Variants in CACNA1D observed in about 807,000 individuals in gnomAD.
CACNA1D encodes the protein calcium voltage-gated channel subunit alpha1 D, also known as voltage-dependent L-type calcium channel subunit alpha-1D.
A neutral mutation model predicts 257.1 loss-of-function variants in CACNA1D; 55 were observed. That is an observed-to-expected ratio of 0.21 (90% CI 0.17 to 0.27). The LOEUF is 0.27. Among genes scored for constraint, CACNA1D ranks in the 10% least tolerant of loss-of-function variants. The probability of loss-of-function intolerance (pLI) is 1.00; values close to 1 mark genes in which losing one functional copy is unlikely to be tolerated. For missense variants in CACNA1D, 1,876 were observed against 2,784.0 expected (o/e 0.67, Z 7.34); for synonymous variants, 980 against 1,014.9 (o/e 0.97, Z 0.65).
rs41276447 is a variant in CACNA1D at position 53,732,855 on chromosome 3, G to A, written c.2514G>A (p.Glu838=). The change falls in exon 19 of 48, where the codon GAG becomes GAA. Residue 838 remains glutamate (E), a synonymous_variant. Coordinates refer to ENST00000350061, the MANE Select transcript of CACNA1D (RefSeq NM_001128840.3). ...AGGAAGAGGAGGAGGATGAACCTGAGGTTCCTGCCGGACCCCGTCCTCGAA... is the reference window on the plus strand; with the variant it reads ...AGGAAGAGGAGGAGGATGAACCTGAAGTTCCTGCCGGACCCCGTCCTCGAA... ...EEEEEEEDEP[E]VPAGPRPRRI... 4 of 1,613,924 alleles carry A rather than the reference G, an allele frequency of 2.5e-6. No homozygotes were observed. Among genetic ancestry groups the A allele is most frequent in the Non-Finnish European group, 3.4e-6 (4 of 1,179,840 alleles).
intron 8 of CACNA1D, among the ~76,000 whole-genome samples, chr3:53,682,957 G>A (rs898408): frequency 0.7 from 106,804 of 152,092 alleles, 38,711 homozygotes; most frequent in East Asian, 0.9. Context: ...AAACTCCGCA[G>A]TTGTCCTGGC....
intron 40 of CACNA1D, among the ~76,000 whole-genome samples, chr3:53,794,189 G>C (rs1199401923): frequency 6.6e-6 from 1 of 152,212 alleles, no homozygotes; most frequent in Non-Finnish European, 1.5e-5. Context: ...ATGTGACGTA[G>C]TAGTAAAAGG....
rs116224995 is a variant in CACNA1D at position 53,528,193 on chromosome 3, C to A, written c.483+26473C>A. On this transcript the variant is annotated intron_variant, in intron 3 of 47. Transcript: ENST00000350061. ...TCTGTGGTCCATTTCAAATTAATTTCTTTTCTATGGTATGAGGTTGGGGTT... is the reference window on the plus strand; with the variant it reads ...TCTGTGGTCCATTTCAAATTAATTTATTTTCTATGGTATGAGGTTGGGGTT... 6.0e-3 allele frequency among the ~76,000 whole-genome samples: 912 copies of A among 152,256 alleles called. 6 individuals carry two copies. Among genetic ancestry groups the A allele is most frequent in the Non-Finnish European group, 0.01 (689 of 68,006 alleles).
At chr3:53,621,140 A>T (rs1364962677) in intron 3 of CACNA1D, among the ~76,000 whole-genome samples, 2 of 152,170 alleles carry the variant, frequency 1.3e-5, no homozygotes, top group Non-Finnish European at 2.9e-5. Context: ...AATGCAAGTG[A>T]GGGAAAAGAA....
At chr3:53,566,270 C>CT (rs2092834272) in intron 3 of CACNA1D, among the ~76,000 whole-genome samples, 1 of 152,162 alleles carries the variant, frequency 6.6e-6, no homozygotes, top group African/African-American at 2.4e-5. Context: ...TGACATCCCC[C>CT]TTCTCTCTGC....
intron 8 of CACNA1D, among the ~76,000 whole-genome samples, chr3:53,676,824 G>A (rs2094381565): frequency 6.6e-6 from 1 of 152,174 alleles, no homozygotes; most frequent in African/African-American, 2.4e-5. Flanking sequence ...TAAGTATGAA[G>A]TTTATGAACT....
intron 3 of CACNA1D, among the ~76,000 whole-genome samples, chr3:53,622,838 A>C (rs577256370): frequency 6.6e-6 from 1 of 152,330 alleles, no homozygotes; most frequent in East Asian, 1.9e-4. Flanking sequence ...CTCAGCAAGA[A>C]AAAGGCATGA....
At chr3:53,746,013 GTGTT>G in intron 25 of CACNA1D, 138 bp downstream of exon 25, 1 of 723,922 alleles carries the variant, frequency 1.4e-6, no homozygotes, top group Admixed American at 2.0e-5. Flanking sequence ...TAGATAGATG[GTGTT>G]TGTTTTTCAT....
At chr3:53,536,594 C>T (rs551486181) in intron 3 of CACNA1D, among the ~76,000 whole-genome samples, 22 of 152,378 alleles carry the variant, frequency 1.4e-4, no homozygotes, top group African/African-American at 3.8e-4. Flanking sequence ...CGGGCCAACA[C>T]GGCCTTATGC....
rs188850257 is a variant in CACNA1D at position 53,526,636 on chromosome 3, G to A, written c.483+24916G>A. ...AATGGCACGCCCTCCAATTGGCTAC[G>A]TTACACAGATAAACATTCTTAATCT... is the stretch of plus-strand genomic sequence containing the variant. On this transcript the variant is annotated intron_variant, in intron 3 of 47. Coordinates refer to ENST00000350061, the MANE Select transcript of CACNA1D (RefSeq NM_001128840.3). Among the ~76,000 whole-genome samples, 36 of 152,274 alleles carry A rather than the reference G, an allele frequency of 2.4e-4. No individual in the cohort carries two copies. In the East Asian group the frequency reaches 4.8e-3, roughly 20 times the overall value.
Position 53,660,179 on chromosome 3 carries a change from G to A in CACNA1D, c.670G>A (p.Gly224Arg), listed in dbSNP as rs1208257269. The change falls in exon 5 of 48, where the codon GGG becomes AGG. Residue 224 changes from glycine to arginine, a missense_variant. By Grantham distance (125) the Gly-to-Arg change is moderately radical. Transcript: ENST00000350061. ...ACAATTAACCAAAGAAACAGAAGGC[G>A]GGAACCACTCAAGCGGCAAATCTGG... Reference protein sequence around the residue: ...LEQLTKETEGGNHSSGKSGGF... With the variant: ...LEQLTKETEGRNHSSGKSGGF... 42 of 1,613,802 alleles carry A rather than the reference G, an allele frequency of 2.6e-5. No individual in the cohort carries two copies. Among genetic ancestry groups the A allele is most frequent in the Middle Eastern group, 1.6e-4 (1 of 6,082 alleles).
intron 3 of CACNA1D, among the ~76,000 whole-genome samples, chr3:53,606,352 A>G (rs2093510413): frequency 6.6e-6 from 1 of 152,260 alleles, no homozygotes; most frequent in Non-Finnish European, 1.5e-5. Flanking sequence ...GATTAATGTG[A>G]GCAGCTTCTC....
intron 3 of CACNA1D, among the ~76,000 whole-genome samples, chr3:53,614,097 G>T (rs1296382718): frequency 7.3e-6 from 1 of 136,474 alleles, no homozygotes; most frequent in Non-Finnish European, 1.5e-5. Flanking sequence ...TTCAAGACCA[G>T]CCTAGGCAAC....
chr3:53,634,298 T>G (rs1402931841), intron 3 of CACNA1D, among the ~76,000 whole-genome samples: 1 of 152,200 alleles, frequency 6.6e-6, no homozygotes. Context: ...CTAACATGAA[T>G]CATTATTAAA....
intron 45 of CACNA1D, among the ~76,000 whole-genome samples, chr3:53,806,342 A>C (rs1473170679): frequency 2.0e-5 from 3 of 150,934 alleles, no homozygotes; most frequent in Non-Finnish European, 3.0e-5. Flanking sequence ...GGTCCCCTTC[A>C]CTCTGGGGCC....
intron 3 of CACNA1D, among the ~76,000 whole-genome samples, chr3:53,605,251 G>A (rs1300514265): frequency 6.6e-6 from 1 of 152,170 alleles, no homozygotes; most frequent in African/African-American, 2.4e-5. Flanking sequence ...ACCGTGGAGG[G>A]CTCCTTTGTG....
At chr3:53,706,885 C>T (rs1167825199) in intron 9 of CACNA1D, among the ~76,000 whole-genome samples, 1 of 152,102 alleles carries the variant, frequency 6.6e-6, no homozygotes, top group East Asian at 1.9e-4. Flanking sequence ...ATTTGACTTT[C>T]CTAAACATAA....
At chr3:53,760,278 GA>G (rs2095293274) in intron 29 of CACNA1D, among the ~76,000 whole-genome samples, 1 of 152,164 alleles carries the variant, frequency 6.6e-6, no homozygotes, top group Non-Finnish European at 1.5e-5. Flanking sequence ...CAGCTGTTAG[GA>G]CAGTCAGTAC....
intron 3 of CACNA1D, among the ~76,000 whole-genome samples, chr3:53,550,773 G>T (rs2092516262): frequency 6.6e-6 from 1 of 152,134 alleles, no homozygotes; most frequent in African/African-American, 2.4e-5. Flanking sequence ...GGCAGGGAAT[G>T]CTTGGGGGAC....
Sources: allele counts gnomAD v4.1 joint callset (sites outside exome capture counted in the v4.1 genomes callset), GRCh38; gene constraint gnomAD v4.1.1; transcripts MANE v1.5; gene names NCBI Gene and HGNC (gene_info 2026-07-23, HGNC 2026-07-21).